The following ATP6V1A variants were observed in gnomAD, a reference collection of about 807,000 sequenced individuals.
ATP6V1A encodes V-type proton ATPase catalytic subunit A.
In ATP6V1A, 18 loss-of-function variants were observed where a neutral mutation model predicts 70.1. The ratio of observed to expected loss-of-function variants is 0.26; its 90% CI spans 0.18 to 0.38. The LOEUF (loss-of-function observed/expected upper bound fraction) is 0.38. Among genes scored for constraint, ATP6V1A ranks in the 10% least tolerant of loss-of-function variants. The pLI, the probability that ATP6V1A is intolerant of heterozygous loss-of-function variation, is 1.00. For missense variants in ATP6V1A, 424 were observed against 772.4 expected, an observed-to-expected ratio of 0.55 and a Z score of 5.35; for synonymous variants, 232 against 253.8, an observed-to-expected ratio of 0.91 and a Z score of 0.82.
intron 8 of ATP6V1A, among the ~76,000 whole-genome samples, chr3:113,790,087 T>TG (rs1035069027): frequency 2.0e-5 from 3 of 151,926 alleles, no homozygotes; most frequent in African/African-American, 7.3e-5. Flanking sequence ...CTGGCCAACA[T>TG]GGTGAAACCC....
intron 1 of ATP6V1A, among the ~76,000 whole-genome samples, chr3:113,762,841 G>T (rs1453172374): frequency 6.6e-6 from 1 of 151,984 alleles, no homozygotes; most frequent in Non-Finnish European, 1.5e-5. Context: ...GATTTTAAAG[G>T]TTTTTCTAAT....
chr3:113,778,663 T>C (rs887158692), intron 1 of ATP6V1A, 78 bp from the exon 2 acceptor site: 2 of 689,656 alleles, frequency 2.9e-6, no homozygotes, highest in African/African-American at 3.8e-5. Flanking sequence ...TGGTCTCATC[T>C]TAGTGGACTA....
intron 6 of ATP6V1A, 35 bp downstream of exon 6, chr3:113,786,418 G>T (rs780801548): frequency 1.2e-6 from 2 of 1,606,894 alleles, no homozygotes; most frequent in Non-Finnish European, 8.5e-7. Context: ...TTTTCCCTCA[G>T]AGTTATTATA....
intron 6 of ATP6V1A, among the ~76,000 whole-genome samples, chr3:113,786,776 CTT>C (rs200785807): frequency 2.2e-4 from 31 of 142,652 alleles, no homozygotes; most frequent in Middle Eastern, 3.4e-3. Context: ...TCTTCTTCTT[CTT>C]TTTTTTTTTT....
At chr3:113,778,604 T>C in intron 1 of ATP6V1A, 137 bp from the exon 2 acceptor site, 1 of 453,640 alleles carries the variant, frequency 2.2e-6, no homozygotes, top group South Asian at 6.8e-5. Flanking sequence ...AATTTTTTTA[T>C]TCTACTTTGA....
At chr3:113,765,373 C>T (rs922841622) in intron 1 of ATP6V1A, among the ~76,000 whole-genome samples, 2 of 150,452 alleles carry the variant, frequency 1.3e-5, no homozygotes, top group East Asian at 2.0e-4. Flanking sequence ...GGGAGGCCGA[C>T]GCGGGCAGTT....
At chr3:113,750,250 C>T (rs1559746355) in intron 1 of ATP6V1A, among the ~76,000 whole-genome samples, 1 of 152,086 alleles carries the variant, frequency 6.6e-6, no homozygotes, top group Admixed American at 6.6e-5. Context: ...GAGGCCAAGG[C>T]GGGCAGATCA....
chr3:113,765,935 A>G (rs1361095495), intron 1 of ATP6V1A, among the ~76,000 whole-genome samples: 2 of 152,114 alleles, frequency 1.3e-5, no homozygotes, highest in Non-Finnish European at 2.9e-5. Flanking sequence ...TCAAAAAAAA[A>G]GGAGATGGGT....
intron 1 of ATP6V1A, among the ~76,000 whole-genome samples, chr3:113,777,518 G>C (rs1324789972): frequency 6.6e-6 from 1 of 152,178 alleles, no homozygotes; most frequent in Admixed American, 6.5e-5. Flanking sequence ...CACTTCAGGA[G>C]GCCAAGGCCA....
intron 1 of ATP6V1A, among the ~76,000 whole-genome samples, chr3:113,764,530 T>TA (rs1184569047): frequency 6.6e-6 from 1 of 152,178 alleles, no homozygotes; most frequent in African/African-American, 2.4e-5. Context: ...TATAAGCATA[T>TA]TGCTTCTGAA....
At chr3:113,807,685 A>G (rs1709291943) in intron 14 of ATP6V1A, among the ~76,000 whole-genome samples, 1 of 152,202 alleles carries the variant, frequency 6.6e-6, no homozygotes, top group Admixed American at 6.5e-5. Flanking sequence ...TAGAAAGAGG[A>G]TGAAGAAGAA....
At chr3:113,790,040 C>T (rs1173768210) in intron 8 of ATP6V1A, among the ~76,000 whole-genome samples, 200 bp downstream of exon 8, 3 of 152,010 alleles carry the variant, frequency 2.0e-5, no homozygotes, top group Non-Finnish European at 4.4e-5. Flanking sequence ...GAGGCCCAGG[C>T]CGGCAGATCA....
chr3:113,793,390 C>T lies in ATP6V1A; in HGVS notation c.989-1482C>T, dbSNP rs142977291. On this transcript the variant is annotated intron_variant, in intron 8 of 14. Transcript: ENST00000273398. ...AAACTCTTTGATTAATGAATAAATT[C>T]GTCCTTTATCTGTCATGAGTTGCAA... is the stretch of plus-strand genomic sequence containing the variant. Among the ~76,000 whole-genome samples, 115 of 152,204 alleles carry T rather than the reference C, an allele frequency of 7.6e-4. 1 individual carries two copies. The highest frequency in any genetic ancestry group is 2.4e-3 in the African/African-American group (101 of 41,554).
intron 14 of ATP6V1A, among the ~76,000 whole-genome samples, chr3:113,807,111 TAAAC>T (rs1382311313): frequency 6.6e-6 from 1 of 151,910 alleles, no homozygotes; most frequent in African/African-American, 2.4e-5. Context: ...TTGAGATAAA[TAAAC>T]AAAGGAAGTA....
chr3:113,808,156 A>T (rs935660652), intron 14 of ATP6V1A, among the ~76,000 whole-genome samples: 1 of 151,556 alleles, frequency 6.6e-6, no homozygotes, highest in Admixed American at 6.6e-5. Context: ...AAAGAAAAGA[A>T]AAGAAAATTT....
intron 1 of ATP6V1A, among the ~76,000 whole-genome samples, chr3:113,764,757 CAGTTTATCA>C (rs1487984481): frequency 6.6e-6 from 1 of 151,956 alleles, no homozygotes; most frequent in Non-Finnish European, 1.5e-5. Context: ...TTTCCCCCTT[CAGTTTATCA>C]AGTTTAAGAA....
In ATP6V1A at chr3:113,798,160, T is replaced by G; in HGVS notation, c.1291-83T>G. 2 of 1,469,184 alleles carry G rather than the reference T, an allele frequency of 1.4e-6. 1 individual carries two copies. Among genetic ancestry groups the G allele is most frequent in the Middle Eastern group, 3.6e-4 (2 of 5,602 alleles). 91.0% of individuals were successfully genotyped at this position (1,469,184 alleles called of 1,614,324 possible). On this transcript the variant is annotated intron_variant, in intron 11 of 14. Transcript: ENST00000273398. ...AAACAAAAAAAAAAGAATTGCATAG[T>G]TGGGACAAACATGCTTCGGTATTTT...
Position 113,810,609 on chromosome 3 carries a change from G to A in ATP6V1A, c.*1182G>A, listed in dbSNP as rs560029110. 7.2e-4 allele frequency: 109 copies of A among 152,196 alleles called. 1 individual carries two copies. Among genetic ancestry groups the A allele is most frequent in the African/African-American group, 2.5e-3 (105 of 41,512 alleles). 9.4% of individuals were successfully genotyped at this position (152,196 alleles called of 1,614,324 possible). A position where few individuals can be genotyped will look rare whatever the true frequency, so the allele number is the denominator to read the frequency against. On this transcript the variant is annotated 3_prime_UTR_variant, in exon 15 of 15. Transcript: ENST00000273398. Reference sequence around the variant, plus strand: ...CCTGTTTATTTTCCTTAAACATCTTGGAAGCCTAAGCTTCTGAGAATCATG... The same window carrying A: ...CCTGTTTATTTTCCTTAAACATCTTAGAAGCCTAAGCTTCTGAGAATCATG...
rs981146211 is a variant in ATP6V1A at position 113,784,229 on chromosome 3, G to T, written c.217G>T (p.Val73Leu). ...TIQVYEETSG[V>L]SVGDPVLRTG... ...TCCTTAGCTGCTGTTTTTAGCTGGT[G>T]TGTCTGTTGGAGATCCTGTACTTCG... The change falls in exon 4 of 15, where the codon GTG becomes TTG. Residue 73 changes from valine to leucine, a missense_variant. Around this residue, in one of 9 missense-constraint regions of ATP6V1A, gnomAD observed 31 missense variants for 78.6 expected, o/e 0.39. Transcript: ENST00000273398. 2.5e-6 allele frequency: 4 copies of T among 1,614,006 alleles called. No individual in the cohort carries two copies. The highest frequency in any genetic ancestry group is 3.4e-6 in the Non-Finnish European group (4 of 1,179,892).
Sources: gnomAD v4.1 joint callset for allele counts (sites outside exome capture counted in the v4.1 genomes callset) on GRCh38, gnomAD v4.1.1 for gene constraint, gnomAD v4.1.1 regional missense constraint, MANE v1.5 for transcripts, NCBI Gene and HGNC (gene_info 2026-07-23, HGNC 2026-07-21) for gene names.